USH1C: variants seen among roughly 807,000 people sequenced by gnomAD.
USH1C encodes harmonin.
In USH1C, 90 loss-of-function variants were observed where a neutral mutation model predicts 119.3. The ratio of observed to expected loss-of-function variants is 0.75; its 90% CI spans 0.64 to 0.90. The LOEUF (loss-of-function observed/expected upper bound fraction) is 0.90. Ranked by LOEUF, USH1C falls within the 40% of genes least tolerant of loss-of-function variation. USH1C has a pLI of 0.00. For missense variants in USH1C, 1,165 were observed against 1,167.7 expected, an observed-to-expected ratio of 1.00 and a Z score of 0.03; for synonymous variants, 465 against 443.3, an observed-to-expected ratio of 1.05 and a Z score of -0.62.
rs1323555785 is a variant in USH1C, at chr11:17,510,473, A to G, written c.1462T>C (p.Tyr488His). The change falls in exon 17 of 27, where the codon TAT becomes CAT. Residue 488 changes from tyrosine to histidine, a missense_variant. By Grantham distance (83) the Tyr-to-His change is moderately conservative. Coordinates refer to ENST00000005226, the MANE Select transcript of USH1C (RefSeq NM_153676.4). ...GTTTGACAGAGCCTCTCCACCCAATATTGAATCTTTTCCGATTCTTCAAGG... is the reference window on the plus strand; with the variant it reads ...GTTTGACAGAGCCTCTCCACCCAATGTTGAATCTTTTCCGATTCTTCAAGG... ...EDLEESEKIQ[Y>H]WVERLCQTRL... The G allele has an allele frequency of 6.2e-7, 1 of 1,613,748 alleles. No individual in the cohort carries two copies. The highest frequency in any genetic ancestry group is 1.7e-5 in the Admixed American group (1 of 60,014).
chr11:17,494,647 C>T, intron 26 of USH1C: 7 of 535,234 alleles, frequency 1.3e-5, no homozygotes, highest in Non-Finnish European at 2.4e-5. Context: ...TTGCAAAAGG[C>T]AAGTAACAGA....
chr11:17,533,726 T>C (rs1468157177), intron 1 of USH1C: 1 of 469,918 alleles, frequency 2.1e-6, no homozygotes, highest in Non-Finnish European at 4.2e-6. Flanking sequence ...TACCTGATGG[T>C]GGCTGTAGTG....
intron 15 of USH1C, among the ~76,000 whole-genome samples, chr11:17,515,877 C>T (rs1205061338): frequency 6.6e-6 from 1 of 152,232 alleles, no homozygotes; most frequent in Non-Finnish European, 1.5e-5. Context: ...GGTACACCCA[C>T]TCCGATAATT....
chr11:17,524,865 T>G (rs1355611766), intron 8 of USH1C, among the ~76,000 whole-genome samples: 1 of 151,536 alleles, frequency 6.6e-6, no homozygotes, highest in Admixed American at 6.6e-5. Context: ...ATTTATTTTT[T>G]AGAGACAGGG....
chr11:17,517,352 C>T, intron 14 of USH1C: 1 of 1,543,072 alleles, frequency 6.5e-7, no homozygotes. Context: ...AGGAGGCGGG[C>T]AGGGTAAAGC....
chr11:17,512,089 T>C (rs757833616), intron 15 of USH1C, 35 bp from the exon 16 acceptor site: 2 of 1,610,968 alleles, frequency 1.2e-6, no homozygotes, highest in Non-Finnish European at 1.7e-6. Flanking sequence ...ATGACAAAGG[T>C]TAGAAATAGT....
chr11:17,539,853 G>A (rs1464291222), intron 1 of USH1C, among the ~76,000 whole-genome samples: 1 of 111,448 alleles, frequency 9.0e-6, no homozygotes, highest in Non-Finnish European at 1.7e-5. Context: ...TTTTTTTTGA[G>A]ACCAGGTCTT....
At chr11:17,513,740 G>A (rs1287633977) in intron 15 of USH1C, among the ~76,000 whole-genome samples, 4 of 152,228 alleles carry the variant, frequency 2.6e-5, no homozygotes, top group East Asian at 1.9e-4. Context: ...CAGAAACACT[G>A]CCTAATGGTA....
intron 4 of USH1C, among the ~76,000 whole-genome samples, chr11:17,528,470 G>C (rs1850812238): frequency 6.6e-6 from 1 of 152,372 alleles, no homozygotes; most frequent in Admixed American, 6.5e-5. Flanking sequence ...ACAGCCAGTA[G>C]CTGCAAAACA....
At chr11:17,540,977 G>A (rs770055457) in intron 1 of USH1C, among the ~76,000 whole-genome samples, 31 of 152,136 alleles carry the variant, frequency 2.0e-4, no homozygotes, top group African/African-American at 4.8e-5. Context: ...CTCCACTCAC[G>A]ATTCCTCTGG....
chr11:17,494,580 G>A (rs533426110), intron 26 of USH1C: 18 of 635,040 alleles, frequency 2.8e-5, no homozygotes, highest in Non-Finnish European at 5.1e-5. Context: ...GAGAAAGCGG[G>A]AGGGACACCT....
At position 17,543,432 on chromosome 11, in the gene USH1C, T is replaced by G. The variant is rs2133970411; in HGVS notation, c.36+840A>C. On this transcript the variant is annotated intron_variant, in intron 1 of 26. Transcript: ENST00000005226. ...ATACCACCCACCCCCCCCAAGCGGC[T>G]TCATCCCCAGACTCAGAGGCATCCT... is the stretch of plus-strand genomic sequence containing the variant. Among the ~76,000 whole-genome samples the G allele has an allele frequency of 1.3e-5, 2 of 152,190 alleles. 1 individual carries two copies. The highest frequency in any genetic ancestry group is 4.2e-4 in the South Asian group (2 of 4,814).
chr11:17,534,455 G>A (rs1053011440), intron 1 of USH1C, among the ~76,000 whole-genome samples: 9 of 152,208 alleles, frequency 5.9e-5, no homozygotes, highest in African/African-American at 1.9e-4. Flanking sequence ...ATCAGACTGA[G>A]CATTTCATTA....
At chr11:17,512,208 G>T (rs1489851489) in intron 15 of USH1C, among the ~76,000 whole-genome samples, 154 bp from the exon 16 acceptor site, 1 of 152,150 alleles carries the variant, frequency 6.6e-6, no homozygotes, top group Non-Finnish European at 1.5e-5. Flanking sequence ...CTCAGGTTTA[G>T]GACAGGAAGG....
At chr11:17,541,280 C>G (rs563562427) in intron 1 of USH1C, among the ~76,000 whole-genome samples, 1 of 152,286 alleles carries the variant, frequency 6.6e-6, no homozygotes, top group Non-Finnish European at 1.5e-5. Flanking sequence ...TACCTGTCTT[C>G]CCTACTGGAA....
At chr11:17,500,934 A>C (rs974550201) in intron 23 of USH1C, 117 bp downstream of exon 23, 1 of 837,992 alleles carries the variant, frequency 1.2e-6, no homozygotes, top group Non-Finnish European at 2.0e-6. Context: ...CCCGAGTGGG[A>C]GGGCATTCTC....
chr11:17,509,705 G>T lies in USH1C; in HGVS notation c.1664C>A (p.Pro555His), dbSNP rs766124113. The T allele has an allele frequency of 3.1e-6, 5 of 1,600,342 alleles. No homozygotes were observed. The highest frequency in any genetic ancestry group is 3.4e-6 in the Non-Finnish European group (4 of 1,179,372). Residue 555 changes from proline to histidine, a missense_variant, in exon 18 of 27, where the codon CCC (proline) becomes CAC (histidine). By Grantham distance (77) the Pro-to-His change is moderately conservative (BLOSUM62 -2). Coordinates refer to ENST00000005226, the MANE Select transcript of USH1C (RefSeq NM_153676.4). ...DIPLDMFYYP[P>H]KTPSALPVMP... ...CACAGGCAAGGCAGAGGGAGTCTTG[G>T]GGGGATAGTAGAACATGTCCAAAGG...
At chr11:17,537,278 C>A (rs1053149154) in intron 1 of USH1C, among the ~76,000 whole-genome samples, 2 of 152,178 alleles carry the variant, frequency 1.3e-5, no homozygotes, top group Non-Finnish European at 2.9e-5. Context: ...TTTGGGGAGC[C>A]CCTGCTCTAG....
chr11:17,543,539 T>A (rs1851562971), intron 1 of USH1C, among the ~76,000 whole-genome samples: 1 of 152,194 alleles, frequency 6.6e-6, no homozygotes, highest in Non-Finnish European at 1.5e-5. Context: ...CACAGCTTTG[T>A]GAATCATTCT....
Sources: allele counts gnomAD v4.1 joint callset (sites outside exome capture counted in the v4.1 genomes callset), GRCh38; gene constraint gnomAD v4.1.1; transcripts MANE v1.5; gene names NCBI Gene and HGNC (gene_info 2026-07-23, HGNC 2026-07-21).